Variants in GADL1 observed in about 807,000 individuals in gnomAD.
The protein encoded by GADL1 is GAD like acidic amino acid decarboxylase 1.
A neutral mutation model predicts 69.5 loss-of-function variants in GADL1; 71 were observed. The observed-to-expected ratio is 1.02, with a 90% CI of 0.84 to 1.25. The LOEUF (loss-of-function observed/expected upper bound fraction) is 1.25, where lower values mean the gene tolerates loss of function less well. Among genes scored for constraint, GADL1 ranks in the 50% most tolerant of loss-of-function variants. The pLI is 0.00. For synonymous variants in GADL1, 254 were observed against 214.4 expected (o/e 1.18, Z -1.62); for missense variants, 737 against 631.8 (o/e 1.17, Z -1.79).
chr3:30,760,057 T>A (rs910731728), intron 14 of GADL1, among the ~76,000 whole-genome samples: 1 of 152,228 alleles, frequency 6.6e-6, no homozygotes, highest in Non-Finnish European at 1.5e-5. Context: ...GCTTATTGTC[T>A]CATATCACTA....
intron 14 of GADL1, among the ~76,000 whole-genome samples, chr3:30,760,256 A>G (rs1190928740): frequency 6.6e-6 from 1 of 152,134 alleles, no homozygotes; most frequent in Admixed American, 6.5e-5. Context: ...TTCCATAGCA[A>G]TACATATTAC....
intron 14 of GADL1, among the ~76,000 whole-genome samples, chr3:30,761,147 T>TAA (rs1696119303): frequency 6.6e-6 from 1 of 152,228 alleles, no homozygotes; most frequent in East Asian, 1.9e-4. Context: ...CTTTATATTG[T>TAA]ATGCTTTATT....
intron 4 of GADL1, among the ~76,000 whole-genome samples, chr3:30,852,234 G>C (rs780383888): frequency 3.9e-5 from 6 of 152,164 alleles, no homozygotes; most frequent in Non-Finnish European, 8.8e-5. Flanking sequence ...GATAGATTCA[G>C]CTGGGTGCAG....
chr3:30,876,080 C>T (rs1575245050), intron 1 of GADL1, among the ~76,000 whole-genome samples: 1 of 151,970 alleles, frequency 6.6e-6, no homozygotes, highest in African/African-American at 2.4e-5. Flanking sequence ...TGTGTAAGGT[C>T]TAATTCCTAT....
At chr3:30,841,322 CT>C (rs1353806560) in intron 8 of GADL1, among the ~76,000 whole-genome samples, 1 of 152,144 alleles carries the variant, frequency 6.6e-6, no homozygotes, top group Non-Finnish European at 1.5e-5. Flanking sequence ...GCAATTTTTA[CT>C]TTTCAAAAAC....
intron 14 of GADL1, 95 bp downstream of exon 14, chr3:30,778,080 ATTCT>A: frequency 1.4e-6 from 1 of 707,954 alleles, no homozygotes. Flanking sequence ...TCTCTAGATA[ATTCT>A]GTGCTTGCTA....
At chr3:30,758,536 T>C (rs1040049082) in intron 14 of GADL1, among the ~76,000 whole-genome samples, 1 of 152,088 alleles carries the variant, frequency 6.6e-6, no homozygotes, top group African/African-American at 2.4e-5. Context: ...TCATAGAGGG[T>C]GGTTGAGAGG....
chr3:30,843,389 G>A (rs1698002155), intron 8 of GADL1, among the ~76,000 whole-genome samples: 1 of 151,790 alleles, frequency 6.6e-6, no homozygotes, highest in Admixed American at 6.6e-5. Context: ...CCGACTAGCT[G>A]GGATTACAGG....
At chr3:30,876,119 T>C (rs1198949760) in intron 1 of GADL1, among the ~76,000 whole-genome samples, 1 of 152,056 alleles carries the variant, frequency 6.6e-6, no homozygotes, top group Non-Finnish European at 1.5e-5. Context: ...TAATGTTCTA[T>C]ACATATAATA....
At chr3:30,803,757 A>G (rs963598211) in intron 11 of GADL1, among the ~76,000 whole-genome samples, 1 of 152,204 alleles carries the variant, frequency 6.6e-6, no homozygotes, top group Admixed American at 6.5e-5. Flanking sequence ...TTCACTTTGC[A>G]TTTTAGTTTA....
chr3:30,761,564 T>C (rs1696134949), intron 14 of GADL1, among the ~76,000 whole-genome samples: 1 of 152,190 alleles, frequency 6.6e-6, no homozygotes, highest in African/African-American at 2.4e-5. Flanking sequence ...CTTCCTTCCC[T>C]GAATCTGAAG....
In GADL1 at chr3:30,834,198, A is replaced by G; in HGVS notation, c.968+19T>C. The G allele has an allele frequency of 6.2e-7, 1 of 1,604,472 alleles. No individual in the cohort carries two copies. ...TTTGCCTGACAAAAGTTGGCTGTAC[A>G]CCAGGAAACTACATTTACCTGTGGA... On this transcript the variant is annotated intron_variant, in intron 10 of 14. Coordinates refer to ENST00000282538, the MANE Select transcript of GADL1 (RefSeq NM_207359.3).
intron 6 of GADL1, among the ~76,000 whole-genome samples, chr3:30,849,113 A>G (rs1210829949): frequency 6.6e-6 from 1 of 152,074 alleles, no homozygotes; most frequent in Non-Finnish European, 1.5e-5. Flanking sequence ...ACACACCTAG[A>G]CTGACCTGAT....
In GADL1 at chr3:30,845,316, TG is replaced by T. The variant is rs765972148; in HGVS notation, c.652-851del. Among the ~76,000 whole-genome samples, 28 of 152,142 alleles carry T rather than the reference TG, an allele frequency of 1.8e-4. 1 individual carries two copies. Among genetic ancestry groups the T allele is most frequent in the Non-Finnish European group, 1.2e-4 (8 of 68,016 alleles). On this transcript the variant is annotated intron_variant, in intron 6 of 14. Transcript: ENST00000282538. ...CATAAAATAATTAGCATGCAAACAT[TG>T]GATATGTCGCTCTTCATACATTAGT...
At chr3:30,829,984 TCAAAG>T (rs1697760665) in intron 11 of GADL1, among the ~76,000 whole-genome samples, 1 of 151,866 alleles carries the variant, frequency 6.6e-6, no homozygotes, top group Non-Finnish European at 1.5e-5. Flanking sequence ...TGGGGACTCT[TCAAAG>T]AAGAGGGTGA....
At chr3:30,869,720 A>G (rs1280959736) in intron 1 of GADL1, among the ~76,000 whole-genome samples, 3 of 151,820 alleles carry the variant, frequency 2.0e-5, no homozygotes, top group Admixed American at 6.6e-5. Context: ...TGAAATCCAC[A>G]GTGAGCAGAT....
At chr3:30,784,295 G>T (rs1176597896) in intron 13 of GADL1, among the ~76,000 whole-genome samples, 1 of 152,118 alleles carries the variant, frequency 6.6e-6, no homozygotes, top group Non-Finnish European at 1.5e-5. Context: ...AGGTCCATAT[G>T]CCTTATTTGG....
At chr3:30,796,749 T>A (rs1461686211) in intron 12 of GADL1, among the ~76,000 whole-genome samples, 1 of 152,196 alleles carries the variant, frequency 6.6e-6, no homozygotes, top group African/African-American at 2.4e-5. Context: ...CTGAAAGTCA[T>A]CACTACACTA....
chr3:30,801,161 C>T (rs1575212102), intron 11 of GADL1, 73 bp from the exon 12 acceptor site: 1 of 1,098,696 alleles, frequency 9.1e-7, no homozygotes, highest in East Asian at 2.5e-5. Flanking sequence ...AACACATGTA[C>T]ACACACAATG....
Sources: allele counts gnomAD v4.1 joint callset (sites outside exome capture counted in the v4.1 genomes callset), GRCh38; gene constraint gnomAD v4.1.1; transcripts MANE v1.5; gene names NCBI Gene and HGNC (gene_info 2026-07-23, HGNC 2026-07-21).